The following KCTD4 variants were observed in gnomAD, a reference collection of about 807,000 sequenced individuals.
KCTD4 encodes potassium channel tetramerization domain containing 4, also known as BTB/POZ domain-containing protein KCTD4.
KCTD4 carries 12 observed loss-of-function variants against 18.3 expected under a neutral mutation model. The observed-to-expected ratio is 0.66, with a 90% CI of 0.42 to 1.06. The LOEUF is 1.06. Among genes scored for constraint, KCTD4 ranks in the 50% least tolerant of loss-of-function variants. The pLI is 0.00. For synonymous variants in KCTD4, 124 were observed against 110.5 expected, an observed-to-expected ratio of 1.12 and a Z score of -0.76; for missense variants, 250 against 303.4, an observed-to-expected ratio of 0.82 and a Z score of 1.31.
At position 45,194,096 on chromosome 13, in the gene KCTD4, AG is replaced by A; in HGVS notation, c.471del (p.Phe158SerfsTer11). The A allele has an allele frequency of 6.2e-7, 1 of 1,614,150 alleles. No individual in the cohort carries two copies. Among genetic ancestry groups the A allele is most frequent in the African/African-American group, 1.3e-5 (1 of 75,062 alleles). On this transcript the variant is annotated frameshift_variant, in exon 2 of 2. Transcript: ENST00000379108. LOFTEE classifies it high-confidence loss of function. Reference sequence around the variant, plus strand: ...GATATGAAATCAGGAGCATTACAGAAGATTCTTAATCCTTGTGAACGATCGT... The same window carrying A: ...GATATGAAATCAGGAGCATTACAGAAATTCTTAATCCTTGTGAACGATCGT... ...DNHDRSQGLR[I>X]FCNAPDFISK...
chr13:45,197,870 A>G (rs114671136), intron 1 of KCTD4, among the ~76,000 whole-genome samples: 495 of 152,326 alleles, frequency 3.2e-3, no homozygotes, highest in African/African-American at 0.012. Context: ...GGAACTGCTC[A>G]ATTTAATGGT....
chr13:45,198,045 A>T (rs962473668), intron 1 of KCTD4, among the ~76,000 whole-genome samples: 1 of 152,270 alleles, frequency 6.6e-6, no homozygotes, highest in Non-Finnish European at 1.5e-5. Flanking sequence ...TATTAGAGTT[A>T]GATCACCTCT....
chr13:45,194,511 G>T lies in KCTD4; in HGVS notation c.57C>A (p.Asn19Lys). Residue 19 changes from asparagine (N) to lysine (K), a missense_variant, in exon 2 of 2, where the codon AAC becomes AAA. Asn to Lys is a moderately conservative substitution (Grantham distance 94, BLOSUM62 0). Coordinates refer to ENST00000379108, the MANE Select transcript of KCTD4 (RefSeq NM_198404.3). ...TTCCTTGATCAGTATCTTCCAGGCT[G>T]TTGTGTTTCCCTTCATACTCCTTTT... ...EKEKEYEGKH[N>K]SLEDTDQGKN... 1.2e-6 allele frequency: 2 copies of T among 1,614,092 alleles called. No homozygotes were observed. The highest frequency in any genetic ancestry group is 8.5e-7 in the Non-Finnish European group (1 of 1,179,966).
intron 1 of KCTD4, among the ~76,000 whole-genome samples, chr13:45,198,077 A>G (rs1333782129): frequency 1.3e-5 from 2 of 152,226 alleles, no homozygotes; most frequent in African/African-American, 4.8e-5. Context: ...CTTTAATCAT[A>G]TATAACCAAC....
intron 1 of KCTD4, among the ~76,000 whole-genome samples, chr13:45,195,260 AT>A (rs1226478327): frequency 6.6e-6 from 1 of 151,658 alleles, no homozygotes; most frequent in Non-Finnish European, 1.5e-5. Context: ...TTTATTTTTT[AT>A]TTTTTATTAT....
intron 1 of KCTD4, among the ~76,000 whole-genome samples, chr13:45,197,485 G>A (rs1388844273): frequency 6.7e-6 from 1 of 149,262 alleles, no homozygotes; most frequent in African/African-American, 2.5e-5. Context: ...CTCCAGTCTG[G>A]GCAACACAGT....
At chr13:45,197,413 G>T (rs1406215535) in intron 1 of KCTD4, among the ~76,000 whole-genome samples, 1 of 151,226 alleles carries the variant, frequency 6.6e-6, no homozygotes, top group Non-Finnish European at 1.5e-5. Context: ...GGAGGCTGAG[G>T]CAGGAGAATC....
intron 1 of KCTD4, among the ~76,000 whole-genome samples, chr13:45,199,388 G>A (rs973416162): frequency 6.6e-6 from 1 of 152,130 alleles, no homozygotes; most frequent in Non-Finnish European, 1.5e-5. Flanking sequence ...TCACTACAGA[G>A]GCAATCTTGA....
chr13:45,200,616 G>A (rs1254769845), intron 1 of KCTD4, among the ~76,000 whole-genome samples: 1 of 152,168 alleles, frequency 6.6e-6, no homozygotes, highest in African/African-American at 2.4e-5. Context: ...ATCAAATAGA[G>A]ATCAGAATAT....
intron 1 of KCTD4, among the ~76,000 whole-genome samples, chr13:45,200,426 A>C (rs61949175): frequency 0.21 from 31,244 of 151,490 alleles, 3,399 homozygotes; most frequent in African/African-American, 0.23. Context: ...GCCTTAGGAA[A>C]CTCCCGTATA....
chr13:45,194,321 C>G lies in KCTD4; in HGVS notation c.247G>C (p.Gly83Arg). ...ADGHYFIDRD[G>R]LLFRHVLNFL... ...TTTAGGACATGCCTGAAGAGGAGAC[C>G]ATCCCTGTCTATGAAATAATGACCA... The change falls in exon 2 of 2, where the codon GGT becomes CGT. Residue 83 changes from glycine to arginine, a missense_variant. Coordinates refer to ENST00000379108, the MANE Select transcript of KCTD4 (RefSeq NM_198404.3). 1 of 1,614,124 alleles carries G rather than the reference C, an allele frequency of 6.2e-7. No individual in the cohort carries two copies. Among genetic ancestry groups the G allele is most frequent in the Non-Finnish European group, 8.5e-7 (1 of 1,180,006 alleles).
intron 1 of KCTD4, among the ~76,000 whole-genome samples, chr13:45,198,335 C>T (rs1258406773): frequency 6.6e-6 from 1 of 152,178 alleles, no homozygotes; most frequent in Non-Finnish European, 1.5e-5. Flanking sequence ...CATTTATATG[C>T]CAGAGATACT....
intron 1 of KCTD4, among the ~76,000 whole-genome samples, chr13:45,197,999 T>C (rs1403443234): frequency 1.3e-5 from 2 of 152,252 alleles, no homozygotes; most frequent in Non-Finnish European, 1.5e-5. Context: ...ATTTGAAAGA[T>C]TGGGGTCCTG....
At chr13:45,198,572 C>G (rs1253065869) in intron 1 of KCTD4, among the ~76,000 whole-genome samples, 1 of 152,198 alleles carries the variant, frequency 6.6e-6, no homozygotes. Context: ...CAGCTGCATG[C>G]TTCTCTGCTT....
chr13:45,198,724 A>G (rs190183098), intron 1 of KCTD4, among the ~76,000 whole-genome samples: 27 of 150,186 alleles, frequency 1.8e-4, no homozygotes, highest in Non-Finnish European at 3.4e-4. Flanking sequence ...TTGTTTATTG[A>G]TCTGTGTTTT....
chr13:45,199,552 T>C (rs1873073753), intron 1 of KCTD4, among the ~76,000 whole-genome samples: 1 of 152,206 alleles, frequency 6.6e-6, no homozygotes, highest in African/African-American at 2.4e-5. Flanking sequence ...TGCGTTATTA[T>C]TTACTGGAAA....
chr13:45,195,817 T>C (rs1405687754), intron 1 of KCTD4, among the ~76,000 whole-genome samples: 1 of 152,166 alleles, frequency 6.6e-6, no homozygotes, highest in Non-Finnish European at 1.5e-5. Context: ...TGTTGTAGTT[T>C]TAGTTTTTAA....
chr13:45,194,054 T>C lies in KCTD4; in HGVS notation c.514A>G (p.Ile172Val), dbSNP rs1316353534. ...PDFISKIKSR[I>V]VLVSKSRLDG... The stretch of plus-strand genomic sequence containing the variant: ...AGCCTGCTTTTGGACACCAGAACAA[T>C]GCGAGACTTTATTTTTGATATGAAA... The change falls in exon 2 of 2, where the codon ATT (isoleucine) becomes GTT (valine). Residue 172 changes from isoleucine to valine, a missense_variant. By Grantham distance (29) the Ile-to-Val change is conservative (BLOSUM62 3). Transcript: ENST00000379108. 1.9e-6 allele frequency: 3 copies of C among 1,614,024 alleles called. No homozygotes were observed. The highest frequency in any genetic ancestry group is 2.7e-5 in the African/African-American group (2 of 74,932).
Position 45,194,680 on chromosome 13 carries a change from C to CGCAGGCGAT in KCTD4, c.-114_-113insATCGCCTGC. Reference sequence around the variant, plus strand: ...CCCCAGCCTGGTGATGGAATGGAAACGCTGGCAGCATCGCCTGCGCTGTCA... The same window carrying CGCAGGCGAT: ...CCCCAGCCTGGTGATGGAATGGAAACGCAGGCGATGCTGGCAGCATCGCCTGCGCTGTCA... On this transcript the variant is annotated 5_prime_UTR_variant, in exon 2 of 2. Coordinates refer to ENST00000379108, the MANE Select transcript of KCTD4 (RefSeq NM_198404.3). 2 of 982,812 alleles carry CGCAGGCGAT rather than the reference C, an allele frequency of 2.0e-6. No homozygotes were observed. The highest frequency in any genetic ancestry group is 3.1e-6 in the Non-Finnish European group (2 of 653,520). The allele number at this position is 982,812 out of a possible 1,614,324, so 60.9% of individuals were successfully genotyped here.
Sources: allele counts gnomAD v4.1 joint callset (sites outside exome capture counted in the v4.1 genomes callset), GRCh38; gene constraint gnomAD v4.1.1; transcripts MANE v1.5; gene names NCBI Gene and HGNC (gene_info 2026-07-23, HGNC 2026-07-21).